Variants in KANK2 observed in about 807,000 individuals in gnomAD.
KANK2 encodes the protein KN motif and ankyrin repeat domain-containing protein 2.
KANK2 carries 41 observed loss-of-function variants against 74.6 expected under a neutral mutation model. That is an observed-to-expected ratio of 0.55 (90% CI 0.43 to 0.71). The LOEUF (loss-of-function observed/expected upper bound fraction) is 0.71, where lower values mean the gene tolerates loss of function less well. KANK2 is among the 30% of genes least tolerant of loss of function. The pLI, the probability that KANK2 is intolerant of heterozygous loss-of-function variation, is 0.00. For missense variants in KANK2, 1,148 were observed against 1,196.4 expected, an observed-to-expected ratio of 0.96 and a Z score of 0.60; for synonymous variants, 537 against 519.0, an observed-to-expected ratio of 1.03 and a Z score of -0.47.
At chr19:11,196,769 A>G (rs1014456557) in intron 1 of KANK2, 2 of 152,370 alleles carry the variant, frequency 1.3e-5, no homozygotes, top group African/African-American at 2.4e-5. Flanking sequence ...GGGTGACAGG[A>G]TAAGACAGAG....
rs2278013 is a variant in KANK2 at position 11,194,753 on chromosome 19, C to A, written c.-79-163G>T. On this transcript the variant is annotated intron_variant, in intron 2 of 12. Coordinates refer to ENST00000586659, the MANE Select transcript of KANK2 (RefSeq NM_001136191.3). ...CTGGCTGCGGAAGGGCCCCCCCCGA[C>A]CCCCTCCCCCCCGCAGGTCTGGAAC... The A allele has an allele frequency of 0.22, 98,367 of 438,648 alleles. 12,434 individuals are homozygous for A. The highest frequency in any genetic ancestry group is 0.36 in the South Asian group (15,673 of 43,234). The allele number at this position is 438,648 out of a possible 1,614,324, so 27.2% of individuals were successfully genotyped here.
At position 11,166,475 on chromosome 19, in the gene KANK2, G is replaced by A; in HGVS notation, c.*83C>T. The A allele has an allele frequency of 7.7e-7, 1 of 1,306,344 alleles. No homozygotes were observed. The highest frequency in any genetic ancestry group is 1.1e-6 in the Non-Finnish European group (1 of 903,198). 80.9% of individuals were successfully genotyped at this position (1,306,344 alleles called of 1,614,324 possible). A position where few individuals can be genotyped will look rare whatever the true frequency, so the allele number is the denominator to read the frequency against. On this transcript the variant is annotated 3_prime_UTR_variant, in exon 13 of 13. Transcript: ENST00000586659. ...GCCTTGGGGAGTGTGAGTGGGGTGG[G>A]CCAGGGAGGAACGGGAACAGGGAGG... is the stretch of plus-strand genomic sequence containing the variant.
At chr19:11,195,111 C>T (rs1433624036) in intron 2 of KANK2, 1 of 152,754 alleles carries the variant, frequency 6.5e-6, no homozygotes, top group African/African-American at 2.4e-5. Flanking sequence ...CAGGCCTGGA[C>T]TGGGTCGGGG....
chr19:11,182,063 G>A lies in KANK2; in HGVS notation c.1250-3343C>T, dbSNP rs1186675369. ...CTCCTGAGTAGCTGGGATTACAGGT[G>A]TGTGCCACCATGCCTGGCTAATTTA... is the stretch of plus-strand genomic sequence containing the variant. On this transcript the variant is annotated intron_variant, in intron 4 of 12. Coordinates refer to ENST00000586659, the MANE Select transcript of KANK2 (RefSeq NM_001136191.3). Among the ~76,000 whole-genome samples, 13 of 151,874 alleles carry A rather than the reference G, an allele frequency of 8.6e-5. No homozygotes were observed. The East Asian group carries it at 2.5e-3, about 30-fold the overall frequency.
chr19:11,173,609 G>A (rs1460351907), intron 9 of KANK2, among the ~76,000 whole-genome samples: 1 of 152,178 alleles, frequency 6.6e-6, no homozygotes, highest in Non-Finnish European at 1.5e-5. Flanking sequence ...CCATCATGCA[G>A]GCGTGTTAGG....
At chr19:11,189,104 C>CT (rs942639175) in intron 4 of KANK2, among the ~76,000 whole-genome samples, 9 of 134,632 alleles carry the variant, frequency 6.7e-5, no homozygotes, top group African/African-American at 1.7e-4. Flanking sequence ...TCTCTCCCCC[C>CT]CCACCCCCGC....
At chr19:11,178,788 A>T in intron 4 of KANK2, 68 bp from the exon 5 acceptor site, 1 of 1,409,896 alleles carries the variant, frequency 7.1e-7, no homozygotes, top group Non-Finnish European at 9.4e-7. Context: ...CCTGCGGGTC[A>T]TACACCCTGG....
chr19:11,186,098 A>G (rs1457567214), intron 4 of KANK2, among the ~76,000 whole-genome samples: 3 of 152,142 alleles, frequency 2.0e-5, no homozygotes, highest in Admixed American at 2.0e-4. Context: ...AAAAAATTAG[A>G]AAGACAGGGC....
intron 6 of KANK2, 49 bp downstream of exon 6, chr19:11,178,296 G>T: frequency 9.0e-7 from 1 of 1,114,330 alleles, no homozygotes; most frequent in Non-Finnish European, 1.1e-6. Context: ...TGGATGAATG[G>T]AGGAGGGGCG....
intron 4 of KANK2, among the ~76,000 whole-genome samples, chr19:11,184,919 T>C: frequency 1.4e-5 from 2 of 148,144 alleles, no homozygotes; most frequent in African/African-American, 2.5e-5. Flanking sequence ...GTCAAGTGAT[T>C]CTCCTGCCTC....
rs373826793 is a variant in KANK2, at chr19:11,164,305, C to G, written c.*2253G>C. 6.6e-6 allele frequency: 1 copy of G among 151,892 alleles called. No homozygotes were observed. The highest frequency in any genetic ancestry group is 2.4e-5 in the African/African-American group (1 of 41,330). 9.4% of individuals were successfully genotyped at this position (151,892 alleles called of 1,614,324 possible). ...TGGTAGCTTTATTAAATTTGTTTACCTTCTAAAAAAAACGATTACAAAAAA... is the reference window on the plus strand; with the variant it reads ...TGGTAGCTTTATTAAATTTGTTTACGTTCTAAAAAAAACGATTACAAAAAA... On this transcript the variant is annotated 3_prime_UTR_variant, in exon 13 of 13. Coordinates refer to ENST00000586659, the MANE Select transcript of KANK2 (RefSeq NM_001136191.3).
intron 1 of KANK2, 154 bp downstream of exon 1, chr19:11,197,331 G>A (rs1314548120): frequency 6.6e-6 from 1 of 151,570 alleles, no homozygotes; most frequent in African/African-American, 2.4e-5. Flanking sequence ...TTTGGGCACA[G>A]AAGGTGGAGT....
intron 4 of KANK2, among the ~76,000 whole-genome samples, chr19:11,189,467 G>A (rs1350309351): frequency 6.6e-6 from 1 of 151,772 alleles, no homozygotes; most frequent in Admixed American, 6.6e-5. Context: ...AGTCAGTCAT[G>A]GTGGTGCATG....
In KANK2 at chr19:11,169,858, C is replaced by T. The variant is rs370943162; in HGVS notation, c.2502+19G>A. On this transcript the variant is annotated intron_variant, in intron 12 of 12. Transcript: ENST00000586659. Reference sequence around the variant, plus strand: ...GAGACCCACCCATCCCGTGCCTACCCGGCCGGATTGAGACTCACCGAGCAC... The same window carrying T: ...GAGACCCACCCATCCCGTGCCTACCTGGCCGGATTGAGACTCACCGAGCAC... The T allele has an allele frequency of 5.4e-5, 87 of 1,606,064 alleles. No homozygotes were observed. In the Middle Eastern group the frequency reaches 9.9e-4, roughly 18 times the overall value.
At chr19:11,190,959 G>A (rs2078825683) in intron 4 of KANK2, among the ~76,000 whole-genome samples, 1 of 151,362 alleles carries the variant, frequency 6.6e-6, no homozygotes, top group South Asian at 2.1e-4. Flanking sequence ...TTGAACTCCT[G>A]GCCTCAAGTG....
intron 10 of KANK2, 110 bp downstream of exon 10, chr19:11,172,871 G>T: frequency 8.6e-7 from 1 of 1,169,524 alleles, no homozygotes; most frequent in Non-Finnish European, 1.2e-6. Flanking sequence ...GCCTGGCCAT[G>T]AAGAGCAGGG....
intron 4 of KANK2, among the ~76,000 whole-genome samples, chr19:11,189,105 C>CG (rs901010990): frequency 3.7e-5 from 5 of 136,850 alleles, no homozygotes; most frequent in Admixed American, 2.2e-4. Flanking sequence ...CTCTCCCCCC[C>CG]CACCCCCGCC....
At chr19:11,190,118 G>T (rs1486275496) in intron 4 of KANK2, among the ~76,000 whole-genome samples, 2 of 143,828 alleles carry the variant, frequency 1.4e-5, no homozygotes, top group African/African-American at 2.6e-5. Flanking sequence ...AGCTGTCCTG[G>T]TTATTTATTT....
At chr19:11,178,178 G>A (rs1464241743) in intron 6 of KANK2, among the ~76,000 whole-genome samples, 167 bp downstream of exon 6, 3 of 152,194 alleles carry the variant, frequency 2.0e-5, no homozygotes, top group Admixed American at 6.5e-5. Context: ...CCAGAAATGC[G>A]CTTAGCCTTC....
Sources: allele counts gnomAD v4.1 joint callset (sites outside exome capture counted in the v4.1 genomes callset), GRCh38; gene constraint gnomAD v4.1.1; transcripts MANE v1.5; gene names NCBI Gene and HGNC (gene_info 2026-07-23, HGNC 2026-07-21).